The following ZNF454 variants were observed in gnomAD, a reference collection of about 807,000 sequenced individuals.
ZNF454 encodes zinc finger protein 454.
A neutral mutation model predicts 48.2 loss-of-function variants in ZNF454; 30 were observed. The ratio of observed to expected loss-of-function variants is 0.62; its 90% CI spans 0.47 to 0.84. ZNF454 has a LOEUF of 0.84. ZNF454 is among the 40% of genes least tolerant of loss of function. ZNF454 has a pLI of 0.00. For synonymous variants in ZNF454, 204 were observed against 211.4 expected, an observed-to-expected ratio of 0.97 and a Z score of 0.30; for missense variants, 510 against 623.1, an observed-to-expected ratio of 0.82 and a Z score of 1.93.
the ZNF454 span, chr5:178,986,922 G>T: frequency 6.2e-7 from 1 of 1,614,130 alleles, no homozygotes; most frequent in Non-Finnish European, 8.5e-7. Flanking sequence ...GGTACTGGAA[G>T]ATGTCGTACC....
In ZNF454 at chr5:178,965,130, A is replaced by G. The variant is rs780104613; in HGVS notation, c.726A>G (p.Lys242=). 5 of 1,614,048 alleles carry G rather than the reference A, an allele frequency of 3.1e-6. No individual in the cohort carries two copies. In the East Asian group the frequency reaches 8.9e-5, roughly 29 times the overall value. ...ACCAAAGAATTCACACTGGCGAGAA[A>G]CCCTATGAATGTAAGGAATGTGGCA... is the stretch of plus-strand genomic sequence containing the variant. ...IHHQRIHTGE[K]PYECKECGKA... is the part of the protein sequence containing the mutation. The change falls in exon 5 of 5, where the codon AAA becomes AAG. Residue 242 remains lysine, a synonymous_variant. Transcript: ENST00000519564. This position sits in a 1 kb window ranked among gnomAD's most constrained non-coding sequence, Gnocchi z 5.2.
the ZNF454 span, chr5:178,987,486 A>C: frequency 2.2e-6 from 1 of 456,262 alleles, no homozygotes; most frequent in South Asian, 1.5e-5. Context: ...CTTCAAAAGG[A>C]AGGCAGTTCT....
At chr5:178,985,238 G>T in the ZNF454 span, 2 of 456,136 alleles carry the variant, frequency 4.4e-6, no homozygotes, top group Admixed American at 4.7e-5. Context: ...AATTGTAGAA[G>T]AGCATTTTGG....
chr5:178,989,418 A>G, the ZNF454 span: 1 of 1,613,932 alleles, frequency 6.2e-7, no homozygotes, highest in African/African-American at 1.3e-5. Context: ...ACAGACAGGG[A>G]AGAAGGGGGA....
At chr5:178,971,676 A>G in the ZNF454 span, among the ~76,000 whole-genome samples, 145,438 of 150,272 alleles carry the variant, frequency 0.97, 70,592 homozygotes, top group East Asian at 1. Flanking sequence ...GTGAAACCCC[A>G]TCTCTACTAA....
the ZNF454 span, chr5:178,976,046 C>G: frequency 4.1e-5 from 18 of 434,304 alleles, no homozygotes; most frequent in South Asian, 3.0e-4. Flanking sequence ...CCATGCCACT[C>G]TCTTTGCTTG....
At chr5:178,987,224 G>C in the ZNF454 span, 5 of 660,034 alleles carry the variant, frequency 7.6e-6, no homozygotes, top group South Asian at 1.5e-5. Flanking sequence ...GTGCACGGTG[G>C]GTGGGAAAAG....
the ZNF454 span, among the ~76,000 whole-genome samples, chr5:178,972,082 C>T: frequency 6.6e-6 from 1 of 151,878 alleles, no homozygotes; most frequent in Non-Finnish European, 1.5e-5. Flanking sequence ...TACAGGCATG[C>T]ACCACCACAC....
At chr5:178,985,377 G>C in the ZNF454 span, 1 of 390,688 alleles carries the variant, frequency 2.6e-6, no homozygotes, top group South Asian at 1.8e-5. Context: ...TGTCACAGGA[G>C]GGGAGGGGCT....
chr5:178,975,667 A>G, the ZNF454 span: 6 of 406,234 alleles, frequency 1.5e-5, no homozygotes, highest in Admixed American at 5.1e-5. Flanking sequence ...CTTGGCCTAC[A>G]GGGCCACACA....
the ZNF454 span, among the ~76,000 whole-genome samples, chr5:178,982,460 C>A: frequency 6.6e-6 from 1 of 151,498 alleles, no homozygotes; most frequent in African/African-American, 2.4e-5. Flanking sequence ...CACCTGTAGT[C>A]CCAGCTACGG....
At chr5:178,947,424 C>T (rs762809911) in intron 4 of ZNF454, among the ~76,000 whole-genome samples, 1 of 152,210 alleles carries the variant, frequency 6.6e-6, no homozygotes, top group Non-Finnish European at 1.5e-5. Flanking sequence ...ACACATTGCA[C>T]TTGTCTTCAA....
intron 4 of ZNF454, among the ~76,000 whole-genome samples, chr5:178,964,274 C>T (rs1760077794): frequency 1.3e-5 from 2 of 151,780 alleles, no homozygotes; most frequent in African/African-American, 2.4e-5. Context: ...GCTCCCACCA[C>T]CACGCCCGGC....
chr5:178,941,551 T>A lies in ZNF454; in HGVS notation c.-108+107T>A, dbSNP rs140748322. ...GTGGAGGAGATGGAGCCAGGGCCTC[T>A]GGCATGTGTCTTGGAGCGGACTCCG... On this transcript the variant is annotated intron_variant, in intron 1 of 4. Coordinates refer to ENST00000519564, the MANE Select transcript of ZNF454 (RefSeq NM_001178089.3). This position sits in a 1 kb window ranked among gnomAD's most constrained non-coding sequence, Gnocchi z 5.5. 17 of 454,976 alleles carry A rather than the reference T, an allele frequency of 3.7e-5. 1 individual carries two copies. Among genetic ancestry groups the A allele is most frequent in the Middle Eastern group, 6.5e-4 (2 of 3,060 alleles). The allele number at this position is 454,976 out of a possible 1,614,324, so 28.2% of individuals were successfully genotyped here.
chr5:178,970,994 G>T (rs1340648263), downstream of ZNF454, among the ~76,000 whole-genome samples: 6 of 152,222 alleles, frequency 3.9e-5, no homozygotes, highest in Non-Finnish European at 8.8e-5. Context: ...CATCACCGGG[G>T]CCAGCAGTTC....
chr5:178,982,533 C>T, the ZNF454 span, among the ~76,000 whole-genome samples: 86 of 128,316 alleles, frequency 6.7e-4, no homozygotes, highest in African/African-American at 2.5e-3. Context: ...GCCAAGATCA[C>T]GCCACTGCAC....
the ZNF454 span, chr5:178,983,371 T>C: frequency 1.9e-5 from 14 of 756,672 alleles, no homozygotes; most frequent in Non-Finnish European, 3.2e-5. Flanking sequence ...TCAGGAGCAC[T>C]CAGTGGAGAA....
At chr5:178,942,965 T>C (rs1228306938) in intron 2 of ZNF454, 141 bp downstream of exon 2, 14 of 842,318 alleles carry the variant, frequency 1.7e-5, no homozygotes, top group Non-Finnish European at 2.5e-5. Flanking sequence ...ACCAACACCC[T>C]CCAACCCCGC....
the ZNF454 span, chr5:178,987,531 A>G: frequency 0.24 from 106,765 of 439,962 alleles, 14,871 homozygotes; most frequent in South Asian, 0.35. Context: ...CCTGGAGGAC[A>G]TGATGCTCGG....
Sources: allele counts gnomAD v4.1 joint callset (sites outside exome capture counted in the v4.1 genomes callset), GRCh38; gene constraint gnomAD v4.1.1; non-coding constraint Gnocchi (gnomAD v3.1); transcripts MANE v1.5; gene names NCBI Gene and HGNC (gene_info 2026-07-23, HGNC 2026-07-21).